Variants in SHANK2 observed in about 807,000 individuals in gnomAD.
The protein encoded by SHANK2 is SH3 and multiple ankyrin repeat domains 2.
SHANK2 carries 43 observed loss-of-function variants against 133.7 expected under a neutral mutation model. The ratio of observed to expected loss-of-function variants is 0.32; its 90% CI spans 0.25 to 0.41. The LOEUF is 0.41. Among genes scored for constraint, SHANK2 ranks in the 10% least tolerant of loss-of-function variants. SHANK2 has a pLI of 1.00. For synonymous variants in SHANK2, 1,017 were observed against 952.8 expected, an observed-to-expected ratio of 1.07 and a Z score of -1.24; for missense variants, 1,994 against 2,235.8, an observed-to-expected ratio of 0.89 and a Z score of 2.18.
chr11:70,547,306 G>A (rs2059707405), intron 17 of SHANK2, among the ~76,000 whole-genome samples: 1 of 152,136 alleles, frequency 6.6e-6, no homozygotes, highest in South Asian at 2.1e-4. Flanking sequence ...TGTTGCCCAG[G>A]CTGGAGTGCA....
chr11:70,510,220 G>A (rs2135874061), intron 17 of SHANK2, among the ~76,000 whole-genome samples: 1 of 152,312 alleles, frequency 6.6e-6, no homozygotes, highest in African/African-American at 2.4e-5. Context: ...AAAGGCCACA[G>A]CCCCCAGATG....
intron 6 of SHANK2, 32 bp downstream of exon 6, chr11:71,109,909 G>A: frequency 7.3e-7 from 1 of 1,368,898 alleles, no homozygotes; most frequent in Non-Finnish European, 1.0e-6. Context: ...CTTCCGTAAA[G>A]CCTGGTAAGG....
At chr11:70,819,376 G>A (rs992631707) in intron 12 of SHANK2, among the ~76,000 whole-genome samples, 1 of 152,152 alleles carries the variant, frequency 6.6e-6, no homozygotes, top group Admixed American at 6.5e-5. Flanking sequence ...CGGTGGCAAC[G>A]GCCACTGCCC....
intron 8 of SHANK2, among the ~76,000 whole-genome samples, chr11:71,089,037 C>T (rs1951459293): frequency 6.6e-6 from 1 of 152,362 alleles, no homozygotes; most frequent in Non-Finnish European, 1.5e-5. Context: ...CGCCCCTCGT[C>T]CTGAACTTGA....
At chr11:70,832,487 C>T (rs1338526561) in intron 11 of SHANK2, among the ~76,000 whole-genome samples, 7 of 152,218 alleles carry the variant, frequency 4.6e-5, no homozygotes, top group Non-Finnish European at 8.8e-5. Flanking sequence ...CCCAGCTTCT[C>T]AAAGGCAGGT....
At chr11:70,529,205 T>C (rs1554972723) in intron 17 of SHANK2, among the ~76,000 whole-genome samples, 1 of 152,192 alleles carries the variant, frequency 6.6e-6, no homozygotes, top group Non-Finnish European at 1.5e-5. Context: ...GAAACCATCA[T>C]GGCACCCACT....
intron 9 of SHANK2, among the ~76,000 whole-genome samples, chr11:71,069,030 A>G (rs1249658789): frequency 1.3e-5 from 2 of 151,250 alleles, no homozygotes; most frequent in African/African-American, 2.4e-5. Context: ...CACTGTCGCC[A>G]TGACCACCAT....
intron 17 of SHANK2, among the ~76,000 whole-genome samples, chr11:70,546,329 T>G (rs2059696250): frequency 6.6e-6 from 1 of 152,038 alleles, no homozygotes; most frequent in South Asian, 2.1e-4. Flanking sequence ...TCCTGAGCCT[T>G]CTGCACCTCT....
chr11:70,902,865 A>G (rs1555077062), intron 10 of SHANK2, among the ~76,000 whole-genome samples: 2 of 152,166 alleles, frequency 1.3e-5, no homozygotes, highest in Non-Finnish European at 2.9e-5. Context: ...TGGCACTCAG[A>G]GCCACAGGGT....
chr11:71,202,795 T>C (rs11232537), intron 2 of SHANK2, among the ~76,000 whole-genome samples: 13,396 of 152,210 alleles, frequency 0.088, 1,297 homozygotes, highest in African/African-American at 0.24. Context: ...CTCCACTGCC[T>C]GCTGTGCCAA....
chr11:71,122,057 A>G (rs112911756), intron 3 of SHANK2, among the ~76,000 whole-genome samples: 2 of 152,364 alleles, frequency 1.3e-5, no homozygotes, highest in African/African-American at 2.4e-5. Flanking sequence ...AGGAGTGTAC[A>G]CTAGTTCAAC....
intron 14 of SHANK2, among the ~76,000 whole-genome samples, chr11:70,708,229 T>A (rs528314819): frequency 1.0e-5 from 1 of 99,756 alleles, no homozygotes; most frequent in East Asian, 2.2e-4. Flanking sequence ...TCAAGCTGGG[T>A]GGAACCTGTT....
chr11:70,504,656 A>G (rs2059111462), intron 17 of SHANK2, among the ~76,000 whole-genome samples: 1 of 152,122 alleles, frequency 6.6e-6, no homozygotes, highest in Non-Finnish European at 1.5e-5. Flanking sequence ...CTTGGGAGAG[A>G]GGCCCACCTA....
rs1363729864 is a variant in SHANK2, at chr11:70,502,809, G to A, written c.2184C>T (p.Thr728=). 4 of 1,610,532 alleles carry A rather than the reference G, an allele frequency of 2.5e-6. No individual in the cohort carries two copies. The highest frequency in any genetic ancestry group is 1.8e-4 in the Middle Eastern group (1 of 5,440). The change falls in exon 18 of 26, where the codon ACC becomes ACT. Residue 728 remains threonine (T), a synonymous_variant. Transcript: ENST00000601538. ...TVTRNLDPDD[T]ARKKAPPPPK... ...TGGGGCATGTACCTTTCTTCCTGGC[G>A]GTGTCGTCGGGGTCCAGATTCCTGG...
At chr11:71,081,017 C>T (rs914356430) in intron 8 of SHANK2, among the ~76,000 whole-genome samples, 3 of 152,316 alleles carry the variant, frequency 2.0e-5, no homozygotes, top group South Asian at 2.1e-4. Flanking sequence ...CCAGTACCTC[C>T]GCATGGGGCT....
At chr11:71,075,327 G>C (rs981500227) in intron 8 of SHANK2, 52 bp from the exon 9 acceptor site, 11 of 163,226 alleles carry the variant, frequency 6.7e-5, no homozygotes, top group Non-Finnish European at 8.1e-5. Flanking sequence ...CACGACAGCC[G>C]CATGCACACA....
At chr11:70,840,731 C>A (rs2135428981) in intron 11 of SHANK2, among the ~76,000 whole-genome samples, 1 of 152,248 alleles carries the variant, frequency 6.6e-6, no homozygotes, top group Admixed American at 6.5e-5. Flanking sequence ...GCTGGGGGGC[C>A]ATATCGGGAG....
In SHANK2 at chr11:70,807,177, C is replaced by A. The variant is rs1555052147; in HGVS notation, c.1494-6G>T. 1 of 716,670 alleles carries A rather than the reference C, an allele frequency of 1.4e-6. No homozygotes were observed. The allele number at this position is 716,670 out of a possible 1,614,324, so 44.4% of individuals were successfully genotyped here. On this transcript the variant is annotated splice_polypyrimidine_tract_variant and splice_region_variant and intron_variant, in intron 12 of 25. Transcript: ENST00000601538. The surrounding 1 kb of genome is among the most constrained non-coding windows in gnomAD (Gnocchi z 4.8). The stretch of plus-strand genomic sequence containing the variant: ...CACCAAGAGCAAAAGGCGACCTGGA[C>A]CAGGTGAGAGGGGCAGAGAGAGAGA...
At chr11:70,672,008 G>C (rs1944818680) in intron 15 of SHANK2, among the ~76,000 whole-genome samples, 1 of 149,528 alleles carries the variant, frequency 6.7e-6, no homozygotes. Context: ...AAATCACACT[G>C]TATCTCCCCC....
Sources: gnomAD v4.1 joint callset for allele counts (sites outside exome capture counted in the v4.1 genomes callset) on GRCh38, gnomAD v4.1.1 for gene constraint, Gnocchi (gnomAD v3.1) non-coding constraint, MANE v1.5 for transcripts, NCBI Gene and HGNC (gene_info 2026-07-23, HGNC 2026-07-21) for gene names.